SEMA4D: variants seen among roughly 807,000 people sequenced by gnomAD.
SEMA4D encodes semaphorin 4D.
Under a neutral mutation model 74.8 loss-of-function variants are expected in SEMA4D, and 22 were observed. That is an observed-to-expected ratio of 0.29 (90% confidence interval 0.21 to 0.42). The LOEUF (loss-of-function observed/expected upper bound fraction) is 0.42, where lower values mean the gene tolerates loss of function less well. SEMA4D is among the 10% of genes least tolerant of loss of function. The pLI, the probability that SEMA4D is intolerant of heterozygous loss-of-function variation, is 1.00. For missense variants in SEMA4D, 937 were observed against 1,118.4 expected, an observed-to-expected ratio of 0.84 and a Z score of 2.31; for synonymous variants, 445 against 463.7, an observed-to-expected ratio of 0.96 and a Z score of 0.52.
rs1012730287 is a variant in SEMA4D, at chr9:89,484,351, C to G, written c.-310+13568G>C. ...CCGATGCATACGGGGTATGTGTGTG[C>G]TGTGTGTGCTGCGGCACGTGCAGCA... On this transcript the variant is annotated intron_variant, in intron 1 of 15. Coordinates refer to ENST00000422704, the MANE Select transcript of SEMA4D (RefSeq NM_001371194.2). This position sits in a 1 kb window ranked among gnomAD's most constrained non-coding sequence, Gnocchi z 4.1. Among the ~76,000 whole-genome samples the G allele has an allele frequency of 6.6e-6, 1 of 152,186 alleles. No homozygotes were observed. Among genetic ancestry groups the G allele is most frequent in the African/African-American group, 2.4e-5 (1 of 41,444 alleles).
rs1041939708 is a variant in SEMA4D, at chr9:89,385,449, G to C, written c.1446+918C>G. 1.7e-5 allele frequency: 17 copies of C among 985,328 alleles called. No homozygotes were observed. In the Admixed American group the frequency reaches 9.2e-4, roughly 53 times the overall value. The allele number at this position is 985,328 out of a possible 1,614,324, so 61.0% of individuals were successfully genotyped here. A position where few individuals can be genotyped will look rare whatever the true frequency, so the allele number is the denominator to read the frequency against. On this transcript the variant is annotated intron_variant, in intron 13 of 15. Coordinates refer to ENST00000422704, the MANE Select transcript of SEMA4D (RefSeq NM_001371194.2). ...GGGGTGAGGCCCCACAGTGGCTAAAGCGTCGACCCTTCAAATCTCCAGGGC... is the reference window on the plus strand; with the variant it reads ...GGGGTGAGGCCCCACAGTGGCTAAACCGTCGACCCTTCAAATCTCCAGGGC...
chr9:89,425,421 G>A (rs1847892439), intron 2 of SEMA4D, among the ~76,000 whole-genome samples: 2 of 152,254 alleles, frequency 1.3e-5, no homozygotes, highest in Admixed American at 6.5e-5. Context: ...AGGCAAGGGT[G>A]AGGAAGTGAC....
chr9:89,366,745 T>C (rs1225242403), intron 16 of SEMA4D, among the ~76,000 whole-genome samples: 1 of 152,240 alleles, frequency 6.6e-6, no homozygotes, highest in Non-Finnish European at 1.5e-5. Flanking sequence ...AAACAGATTT[T>C]TTTGAGCTGT....
At chr9:89,385,339 G>T in intron 13 of SEMA4D, 1 of 985,324 alleles carries the variant, frequency 1.0e-6, no homozygotes, top group Non-Finnish European at 1.2e-6. Context: ...GATGTTGTAG[G>T]TGCCTGCCCA....
At chr9:89,397,172 T>TTCAGTC (rs1230617714) in intron 5 of SEMA4D, among the ~76,000 whole-genome samples, 1 of 152,216 alleles carries the variant, frequency 6.6e-6, no homozygotes, top group Non-Finnish European at 1.5e-5. Flanking sequence ...AGGATTTTGT[T>TTCAGTC]TCAGTCCCTA....
chr9:89,436,619 G>A (rs10908926), intron 2 of SEMA4D: 29,845 of 152,414 alleles, frequency 0.2, 3,173 homozygotes, highest in Middle Eastern at 0.29. Context: ...TTTAAACAGC[G>A]GGGCTGTTCA....
intron 2 of SEMA4D, among the ~76,000 whole-genome samples, chr9:89,451,888 T>C (rs765343080): frequency 1.3e-5 from 2 of 152,236 alleles, no homozygotes; most frequent in African/African-American, 2.4e-5. Flanking sequence ...TCTTGCCTTC[T>C]GTGGGCAAAC....
intron 2 of SEMA4D, among the ~76,000 whole-genome samples, chr9:89,408,393 T>C (rs1031500893): frequency 6.6e-6 from 1 of 152,130 alleles, no homozygotes; most frequent in Non-Finnish European, 1.5e-5. Flanking sequence ...TTGCATGCAA[T>C]GACAGACATA....
rs1257250289 is a variant in SEMA4D at position 89,449,620 on chromosome 9, T to G, written c.-244+6268A>C. ...CCGAGGACCTGGTCGTGACCAACTA[T>G]AAGATGGGGGGGTGACATTGCCAAT... On this transcript the variant is annotated intron_variant, in intron 2 of 15. Coordinates refer to ENST00000422704, the MANE Select transcript of SEMA4D (RefSeq NM_001371194.2). The G allele has an allele frequency of 2.5e-6, 3 of 1,179,682 alleles. No individual in the cohort carries two copies. The African/African-American group carries it at 4.5e-5, about 18-fold the overall frequency. 73.1% of individuals were successfully genotyped at this position (1,179,682 alleles called of 1,614,324 possible).
intron 9 of SEMA4D, among the ~76,000 whole-genome samples, chr9:89,390,505 G>A (rs1024155415): frequency 6.6e-6 from 1 of 152,220 alleles, no homozygotes; most frequent in African/African-American, 2.4e-5. Context: ...TTAAGGGAAC[G>A]GTGTCAAAGG....
intron 2 of SEMA4D, among the ~76,000 whole-genome samples, chr9:89,407,039 A>G (rs145596627): frequency 0.011 from 1,405 of 132,030 alleles, 15 homozygotes; most frequent in African/African-American, 0.038. Context: ...GTCCATCTCC[A>G]CCACCATCAC....
chr9:89,420,830 C>T (rs1178842569), intron 2 of SEMA4D, among the ~76,000 whole-genome samples: 2 of 152,240 alleles, frequency 1.3e-5, no homozygotes. Context: ...AAAAAGTGGG[C>T]ATACTAATAC....
In SEMA4D at chr9:89,399,331, C is replaced by T; in HGVS notation, c.260G>A (p.Trp87Ter). The T allele has an allele frequency of 6.2e-7, 1 of 1,611,502 alleles. No homozygotes were observed. The highest frequency in any genetic ancestry group is 8.5e-7 in the Non-Finnish European group (1 of 1,177,584). The change falls in exon 5 of 16, where the codon TGG (tryptophan) becomes TAG (stop). Residue 87 changes from tryptophan to a stop codon, truncating the protein, a stop_gained. Transcript: ENST00000422704. LOFTEE classifies it high-confidence loss of function. ...NISEKQHEVY[W>*]KVSEDKKAKC... Reference sequence around the variant, plus strand: ...TGCTTTTTTGTCTTCTGAGACCTTCCAATACACCTGTTGGGATAGAGTCCA... The same window carrying T: ...TGCTTTTTTGTCTTCTGAGACCTTCTAATACACCTGTTGGGATAGAGTCCA...
downstream of SEMA4D, among the ~76,000 whole-genome samples, chr9:89,374,987 A>AGCTT (rs1210028984): frequency 6.6e-6 from 1 of 152,260 alleles, no homozygotes; most frequent in Non-Finnish European, 1.5e-5. Context: ...TGGGAGGCGA[A>AGCTT]GCTTGCAGTG....
chr9:89,463,199 G>A (rs532747689), intron 1 of SEMA4D, among the ~76,000 whole-genome samples: 95 of 152,098 alleles, frequency 6.2e-4, no homozygotes, highest in African/African-American at 2.0e-3. Flanking sequence ...CTCATGCCCA[G>A]TTGAGGAATA....
chr9:89,397,048 C>T (rs887493810), intron 5 of SEMA4D, among the ~76,000 whole-genome samples: 2 of 152,202 alleles, frequency 1.3e-5, no homozygotes, highest in South Asian at 4.1e-4. Flanking sequence ...GGCCTGTTCT[C>T]GTACAGTGGA....
At chr9:89,391,650 G>A (rs74817758) in intron 8 of SEMA4D, among the ~76,000 whole-genome samples, 1,537 of 152,318 alleles carry the variant, frequency 0.01, 19 homozygotes, top group African/African-American at 0.034. Flanking sequence ...AGGTGCCCCC[G>A]ACAGTGGTTC....
rs573470700 is a variant in SEMA4D, at chr9:89,380,635, T to G, written c.1663+420A>C. On this transcript the variant is annotated intron_variant, in intron 15 of 15. Transcript: ENST00000422704. ...TCTGGCCTGATGCCACCCCTCCCTC[T>G]GGGTGTGGTGCTATTTCAGACATCC... 6.6e-5 allele frequency among the ~76,000 whole-genome samples: 10 copies of G among 152,314 alleles called. No homozygotes were observed. In the South Asian group the frequency reaches 2.1e-3, roughly 32 times the overall value.
At chr9:89,413,934 C>T (rs1192211515) in intron 2 of SEMA4D, among the ~76,000 whole-genome samples, 1 of 152,236 alleles carries the variant, frequency 6.6e-6, no homozygotes, top group Non-Finnish European at 1.5e-5. Flanking sequence ...GCATGTGTCA[C>T]TCTGTTGCAG....
Sources: allele counts gnomAD v4.1 joint callset (sites outside exome capture counted in the v4.1 genomes callset), GRCh38; gene constraint gnomAD v4.1.1; non-coding constraint Gnocchi (gnomAD v3.1); transcripts MANE v1.5; gene names NCBI Gene and HGNC (gene_info 2026-07-23, HGNC 2026-07-21).